The following GRIN3A variants were observed in gnomAD, a reference collection of about 807,000 sequenced individuals.
GRIN3A encodes the protein glutamate receptor ionotropic, NMDA 3A.
Under a neutral mutation model 92.4 loss-of-function variants are expected in GRIN3A, and 47 were observed. The ratio of observed to expected loss-of-function variants is 0.51; its 90% CI spans 0.40 to 0.65. GRIN3A has a LOEUF of 0.65. Ranked by LOEUF, GRIN3A falls within the 30% of genes least tolerant of loss-of-function variation. GRIN3A has a pLI of 0.00. For missense variants in GRIN3A, 1,324 were observed against 1,393.1 expected (o/e 0.95, Z 0.79); for synonymous variants, 527 against 540.6 (o/e 0.97, Z 0.35).
At position 101,686,842 on chromosome 9, in the gene GRIN3A, C is replaced by T. The variant is rs759241167; in HGVS notation, c.1058G>A (p.Arg353His). The T allele has an allele frequency of 2.4e-5, 38 of 1,614,082 alleles. No homozygotes were observed. The highest frequency in any genetic ancestry group is 3.3e-5 in the South Asian group (3 of 91,086). ...ATTCTGGGAATCTCCCAGCACCCAA[C>T]GAAGTTCAGGGGGCATGACCCCAAA... ...TQFGVMPPEL[R>H]WVLGDSQNVE... The change falls in exon 2 of 9, where the codon CGT becomes CAT. Residue 353 changes from arginine to histidine, a missense_variant. Transcript: ENST00000361820.
chr9:101,729,771 C>A (rs1252484057), intron 1 of GRIN3A, among the ~76,000 whole-genome samples: 1 of 152,162 alleles, frequency 6.6e-6, no homozygotes, highest in African/African-American at 2.4e-5. Flanking sequence ...TGTTGTCCTC[C>A]ATCTCTTCTG....
intron 2 of GRIN3A, 58 bp from the exon 3 acceptor site, chr9:101,671,165 G>T: frequency 1.8e-6 from 2 of 1,131,510 alleles, no homozygotes; most frequent in Non-Finnish European, 1.4e-6. Context: ...AAGATAGGAA[G>T]CAGTGTTCAG....
intron 6 of GRIN3A, among the ~76,000 whole-genome samples, chr9:101,604,137 A>T (rs1828245877): frequency 6.6e-6 from 1 of 152,096 alleles, no homozygotes; most frequent in African/African-American, 2.4e-5. Flanking sequence ...TTGCTAATGG[A>T]TGGATGGGAG....
intron 6 of GRIN3A, among the ~76,000 whole-genome samples, chr9:101,583,345 GA>G (rs1442236258): frequency 8.5e-5 from 13 of 152,144 alleles, no homozygotes; most frequent in Admixed American, 6.5e-4. Context: ...ATCTGCCTGT[GA>G]ACACCAGAGA....
intron 1 of GRIN3A, among the ~76,000 whole-genome samples, chr9:101,723,918 G>C (rs1419945442): frequency 1.3e-5 from 2 of 152,158 alleles, no homozygotes; most frequent in African/African-American, 2.4e-5. Context: ...AGAGTAGCTA[G>C]ATACAGAGTG....
chr9:101,590,528 C>A (rs1329817755), intron 6 of GRIN3A, among the ~76,000 whole-genome samples: 2 of 151,902 alleles, frequency 1.3e-5, no homozygotes, highest in Non-Finnish European at 2.9e-5. Context: ...ATTACAGGCA[C>A]GTGCCACCAC....
In GRIN3A at chr9:101,575,739, G is replaced by T. The variant is rs534392107; in HGVS notation, c.3008+2029C>A. On this transcript the variant is annotated intron_variant, in intron 8 of 8. Transcript: ENST00000361820. ...GGGCACAGAGGAGGGATGTCAAGTT[G>T]TAGCATGCATGAGCATTTGCATAGA... Among the ~76,000 whole-genome samples the T allele has an allele frequency of 2.0e-5, 3 of 152,254 alleles. No homozygotes were observed. In the East Asian group the frequency reaches 5.8e-4, roughly 29 times the overall value.
chr9:101,724,110 G>A (rs368070743), intron 1 of GRIN3A, among the ~76,000 whole-genome samples: 17 of 152,308 alleles, frequency 1.1e-4, no homozygotes, highest in African/African-American at 2.9e-4. Flanking sequence ...CACGCTGTGC[G>A]CCCGCACTCC....
intron 6 of GRIN3A, among the ~76,000 whole-genome samples, chr9:101,607,739 C>A (rs1160534734): frequency 6.6e-6 from 1 of 152,220 alleles, no homozygotes; most frequent in East Asian, 1.9e-4. Flanking sequence ...GTTCCCCACA[C>A]TAACAGAGCC....
intron 6 of GRIN3A, chr9:101,594,636 A>T (rs761688744): frequency 6.2e-7 from 1 of 1,614,160 alleles, no homozygotes; most frequent in Non-Finnish European, 8.5e-7. Context: ...TAAATGCTGA[A>T]CGCAAACCTC....
chr9:101,713,186 G>A (rs554029321), intron 1 of GRIN3A, among the ~76,000 whole-genome samples: 1 of 152,098 alleles, frequency 6.6e-6, no homozygotes, highest in African/African-American at 2.4e-5. Flanking sequence ...TCACTTCTCC[G>A]CCCTGATGAA....
At chr9:101,692,020 C>A (rs1829626662) in intron 1 of GRIN3A, among the ~76,000 whole-genome samples, 1 of 152,116 alleles carries the variant, frequency 6.6e-6, no homozygotes, top group Non-Finnish European at 1.5e-5. Flanking sequence ...AGTGAGGGCC[C>A]ATAAGTAGTA....
intron 3 of GRIN3A, among the ~76,000 whole-genome samples, chr9:101,629,462 T>C (rs1407875): frequency 0.5 from 76,131 of 151,968 alleles, 19,262 homozygotes; most frequent in African/African-American, 0.59. Flanking sequence ...CTCTGTAGAG[T>C]TCTCAAAGTT....
intron 6 of GRIN3A, among the ~76,000 whole-genome samples, chr9:101,603,570 A>G (rs543201799): frequency 6.6e-6 from 1 of 152,306 alleles, no homozygotes; most frequent in East Asian, 1.9e-4. Context: ...ACTGCCTTCC[A>G]TATAAGACTA....
intron 1 of GRIN3A, among the ~76,000 whole-genome samples, chr9:101,694,333 T>C (rs571366754): frequency 1.3e-5 from 2 of 152,248 alleles, no homozygotes; most frequent in East Asian, 1.9e-4. Flanking sequence ...GCAGAAGAAA[T>C]AGCAGGAGCA....
In GRIN3A at chr9:101,699,120, T is replaced by C. The variant is rs548301286; in HGVS notation, c.700-11920A>G. On this transcript the variant is annotated intron_variant, in intron 1 of 8. Coordinates refer to ENST00000361820, the MANE Select transcript of GRIN3A (RefSeq NM_133445.3). Reference sequence around the variant, plus strand: ...TACAAAAATGTTTTCTTCCTTTATATCCTTATTCTATAAGTTTTTTTGTAT... The same window carrying C: ...TACAAAAATGTTTTCTTCCTTTATACCCTTATTCTATAAGTTTTTTTGTAT... Among the ~76,000 whole-genome samples the C allele has an allele frequency of 2.0e-5, 3 of 152,358 alleles. No homozygotes were observed. The South Asian group carries it at 6.2e-4, about 32-fold the overall frequency.
intron 5 of GRIN3A, 35 bp from the exon 6 acceptor site, chr9:101,613,562 C>T (rs1482078937): frequency 1.2e-6 from 2 of 1,608,254 alleles, no homozygotes; most frequent in South Asian, 1.1e-5. Context: ...GAGTTTTTTA[C>T]ACCCTTCCTG....
At chr9:101,702,555 A>C (rs1156477085) in intron 1 of GRIN3A, among the ~76,000 whole-genome samples, 1 of 152,024 alleles carries the variant, frequency 6.6e-6, no homozygotes, top group Admixed American at 6.6e-5. Context: ...GATTCTTCCC[A>C]GTCTGTCATT....
At chr9:101,726,251 T>G (rs571015828) in intron 1 of GRIN3A, among the ~76,000 whole-genome samples, 1 of 152,306 alleles carries the variant, frequency 6.6e-6, no homozygotes, top group Admixed American at 6.5e-5. Context: ...ATTAGAGTTG[T>G]AAAGTCATAT....
Sources: allele counts gnomAD v4.1 joint callset (sites outside exome capture counted in the v4.1 genomes callset), GRCh38; gene constraint gnomAD v4.1.1; transcripts MANE v1.5; gene names NCBI Gene and HGNC (gene_info 2026-07-23, HGNC 2026-07-21).